The following GRB14 variants were observed in gnomAD, a reference collection of about 807,000 sequenced individuals.
The protein encoded by GRB14 is growth factor receptor bound protein 14.
In GRB14, 38 loss-of-function variants were observed where a neutral mutation model predicts 69.1. The observed-to-expected ratio is 0.55, with a 90% CI of 0.42 to 0.72. The LOEUF is 0.72. Among genes scored for constraint, GRB14 ranks in the 30% least tolerant of loss-of-function variants. The pLI is 0.00. For synonymous variants in GRB14, 247 were observed against 241.3 expected, an observed-to-expected ratio of 1.02 and a Z score of -0.22; for missense variants, 666 against 666.1, an observed-to-expected ratio of 1.00 and a Z score of 0.00.
chr2:164,575,937 C>T (rs992266962), intron 2 of GRB14, among the ~76,000 whole-genome samples: 18 of 152,090 alleles, frequency 1.2e-4, no homozygotes, highest in Non-Finnish European at 2.1e-4. Context: ...CAGAGCTAAA[C>T]TCACCTATTG....
intron 1 of GRB14, among the ~76,000 whole-genome samples, chr2:164,620,518 G>GAA (rs35214416): frequency 2.6e-4 from 40 of 151,132 alleles, no homozygotes; most frequent in Non-Finnish European, 4.7e-4. Context: ...TGAAAATCAG[G>GAA]AAAAAAAAAG....
intron 4 of GRB14, among the ~76,000 whole-genome samples, chr2:164,526,158 C>G (rs56286436): frequency 1.3e-5 from 2 of 151,910 alleles, no homozygotes; most frequent in African/African-American, 4.8e-5. Flanking sequence ...CATTATGTTT[C>G]TATTAATAGG....
intron 9 of GRB14, among the ~76,000 whole-genome samples, chr2:164,499,423 A>G (rs139251712): frequency 7.9e-5 from 12 of 152,298 alleles, no homozygotes; most frequent in African/African-American, 2.6e-4. Context: ...TAGAAAATTA[A>G]TAGTTTACCA....
At position 164,621,471 on chromosome 2, in the gene GRB14, C is replaced by G. The variant is rs1690464469; in HGVS notation, c.-162G>C. On this transcript the variant is annotated 5_prime_UTR_variant, in exon 1 of 14. Transcript: ENST00000263915. This position sits in a 1 kb window ranked among gnomAD's most constrained non-coding sequence, Gnocchi z 6.0. ...GGCCCCGGCGGCTGAGACGCGCGGC[C>G]GAGCTATCTGCGAGGCGGCGGGGGA... 1.8e-5 allele frequency: 4 copies of G among 218,770 alleles called. No homozygotes were observed. Among genetic ancestry groups the G allele is most frequent in the Non-Finnish European group, 3.3e-5 (4 of 122,542 alleles). The allele number at this position is 218,770 out of a possible 1,614,324, so 13.6% of individuals were successfully genotyped here.
chr2:164,510,653 A>G (rs552268145), intron 6 of GRB14, among the ~76,000 whole-genome samples: 1 of 152,260 alleles, frequency 6.6e-6, no homozygotes, highest in African/African-American at 2.4e-5. Flanking sequence ...CAAATTTAAC[A>G]TTTACACCAA....
intron 12 of GRB14, among the ~76,000 whole-genome samples, chr2:164,496,649 G>A (rs926223313): frequency 1.3e-5 from 2 of 152,000 alleles, no homozygotes; most frequent in Non-Finnish European, 2.9e-5. Context: ...ACCATACTTC[G>A]AAATCATATG....
At chr2:164,516,808 GA>G (rs1167177266) in intron 6 of GRB14, among the ~76,000 whole-genome samples, 1 of 152,186 alleles carries the variant, frequency 6.6e-6, no homozygotes, top group Non-Finnish European at 1.5e-5. Flanking sequence ...TGGATCACTT[GA>G]GGGCAGAATT....
At chr2:164,588,485 T>C (rs888337983) in intron 2 of GRB14, among the ~76,000 whole-genome samples, 1 of 152,224 alleles carries the variant, frequency 6.6e-6, no homozygotes, top group Non-Finnish European at 1.5e-5. Context: ...GACATCATTA[T>C]AGAGTCATAC....
At chr2:164,552,695 T>C (rs1265848775) in intron 2 of GRB14, among the ~76,000 whole-genome samples, 1 of 152,206 alleles carries the variant, frequency 6.6e-6, no homozygotes, top group East Asian at 1.9e-4. Flanking sequence ...GGTGAATACA[T>C]GTCATGCCCT....
At chr2:164,570,863 T>C (rs1220662671) in intron 2 of GRB14, among the ~76,000 whole-genome samples, 1 of 152,208 alleles carries the variant, frequency 6.6e-6, no homozygotes, top group Non-Finnish European at 1.5e-5. Context: ...TTAAAAACAC[T>C]TAATAGATGA....
chr2:164,617,969 GGGGT>G (rs368846840), intron 2 of GRB14, among the ~76,000 whole-genome samples: 5 of 135,806 alleles, frequency 3.7e-5, no homozygotes, highest in African/African-American at 1.3e-4. Flanking sequence ...TGGGGGGGGG[GGGGT>G]AGTGTCAGCG....
At chr2:164,574,658 C>T (rs183773682) in intron 2 of GRB14, among the ~76,000 whole-genome samples, 10 of 152,094 alleles carry the variant, frequency 6.6e-5, no homozygotes, top group Admixed American at 3.3e-4. Context: ...ACTTATTGAT[C>T]GTTAGGCATG....
intron 3 of GRB14, among the ~76,000 whole-genome samples, chr2:164,541,490 AAATAAT>A (rs987437517): frequency 1.3e-5 from 2 of 151,062 alleles, no homozygotes; most frequent in East Asian, 3.9e-4. Flanking sequence ...TAATAATAAT[AAATAAT>A]AATAATAATA....
chr2:164,496,299 G>C (rs1686891484), intron 12 of GRB14, among the ~76,000 whole-genome samples: 2 of 152,082 alleles, frequency 1.3e-5, no homozygotes, highest in African/African-American at 4.8e-5. Context: ...CATTTGTACT[G>C]CATTTGGAAA....
intron 2 of GRB14, among the ~76,000 whole-genome samples, chr2:164,613,892 A>C (rs1183531467): frequency 6.6e-6 from 1 of 152,220 alleles, no homozygotes; most frequent in Non-Finnish European, 1.5e-5. Flanking sequence ...TGAAAGGTCC[A>C]ATTGCCCCAG....
At chr2:164,513,186 G>C (rs909107166) in intron 6 of GRB14, among the ~76,000 whole-genome samples, 5 of 151,316 alleles carry the variant, frequency 3.3e-5, no homozygotes, top group African/African-American at 9.7e-5. Context: ...TTCACTCTCT[G>C]TCTCCTTGAT....
chr2:164,496,017 C>T (rs1023202124), intron 12 of GRB14, among the ~76,000 whole-genome samples: 20 of 152,236 alleles, frequency 1.3e-4, no homozygotes, highest in African/African-American at 4.8e-4. Flanking sequence ...TGTAATTCTA[C>T]TGATTGTTCA....
chr2:164,570,300 A>T (rs1689096905), intron 2 of GRB14, among the ~76,000 whole-genome samples: 1 of 149,138 alleles, frequency 6.7e-6, no homozygotes, highest in Non-Finnish European at 1.5e-5. Flanking sequence ...AAAAAAAAAA[A>T]GTGTTATCTC....
At chr2:164,597,919 C>A (rs1689822591) in intron 2 of GRB14, among the ~76,000 whole-genome samples, 1 of 151,924 alleles carries the variant, frequency 6.6e-6, no homozygotes, top group Non-Finnish European at 1.5e-5. Context: ...GTAAACCAGT[C>A]CCTAGGATAC....
Sources: allele counts gnomAD v4.1 joint callset (sites outside exome capture counted in the v4.1 genomes callset), GRCh38; gene constraint gnomAD v4.1.1; non-coding constraint Gnocchi (gnomAD v3.1); transcripts MANE v1.5; gene names NCBI Gene and HGNC (gene_info 2026-07-23, HGNC 2026-07-21).